TMPRSS5: variants seen among roughly 807,000 people sequenced by gnomAD.
The protein encoded by TMPRSS5 is transmembrane serine protease 5, also known as transmembrane protease serine 5.
Under a neutral mutation model 59.7 loss-of-function variants are expected in TMPRSS5, and 45 were observed. That is an observed-to-expected ratio of 0.75 (90% CI 0.59 to 0.97). TMPRSS5 has a LOEUF of 0.97. Ranked by LOEUF, TMPRSS5 falls within the 50% of genes least tolerant of loss-of-function variation. TMPRSS5 has a pLI of 0.00. For synonymous variants in TMPRSS5, 225 were observed against 232.0 expected (o/e 0.97, Z 0.27); for missense variants, 585 against 596.7 (o/e 0.98, Z 0.20).
intron 1 of TMPRSS5, among the ~76,000 whole-genome samples, chr11:113,703,558 G>A (rs1262810851): frequency 6.6e-6 from 1 of 152,176 alleles, no homozygotes; most frequent in East Asian, 1.9e-4. Context: ...AGATTTGGAA[G>A]GGACCAGGAT....
intron 9 of TMPRSS5, 91 bp from the exon 10 acceptor site, chr11:113,691,030 C>T: frequency 1.7e-6 from 2 of 1,179,762 alleles, no homozygotes; most frequent in Non-Finnish European, 2.4e-6. Flanking sequence ...GGCAAGTCCT[C>T]CTCAGCCCCC....
At chr11:113,690,033 T>C in intron 11 of TMPRSS5, 116 bp from the exon 12 acceptor site, 2 of 1,273,680 alleles carry the variant, frequency 1.6e-6, no homozygotes, top group South Asian at 3.0e-5. Context: ...TGCTTCTAGC[T>C]GAGATATCTG....
In TMPRSS5 at chr11:113,690,929, G is replaced by C; in HGVS notation, c.975C>G (p.Gly325=). 1 of 1,587,032 alleles carries C rather than the reference G, an allele frequency of 6.3e-7. No homozygotes were observed. The highest frequency in any genetic ancestry group is 8.6e-7 in the Non-Finnish European group (1 of 1,167,096). ...QTALNFSDTV[G]AVCLPAKEQH... Reference sequence around the variant, plus strand: ...GTTCCTTGGCCGGCAGGCACACAGCGCCCACAGTGTCTGTAGAGAGGCACA... The same window carrying C: ...GTTCCTTGGCCGGCAGGCACACAGCCCCCACAGTGTCTGTAGAGAGGCACA... Residue 325 remains glycine (G), a synonymous_variant, in exon 10 of 13, where the codon GGC becomes GGG. Transcript: ENST00000299882.
At chr11:113,695,477 A>G (rs1212386567) in intron 6 of TMPRSS5, 34 bp from the exon 7 acceptor site, 1 of 1,612,976 alleles carries the variant, frequency 6.2e-7, no homozygotes, top group Non-Finnish European at 8.5e-7. Context: ...GAAGCTGGGC[A>G]GGGGCCGCCC....
In TMPRSS5 at chr11:113,703,832, AT is replaced by A. The variant is rs1247863087; in HGVS notation, c.3+2389del. 3.3e-5 allele frequency among the ~76,000 whole-genome samples: 5 copies of A among 152,344 alleles called. No homozygotes were observed. The South Asian group carries it at 6.2e-4, about 19-fold the overall frequency. ...GTTTGCTTCCCCTTCCACCATGATC[AT>A]AAGTTTCCTGAGGCTTCCCCAGCCA... is the stretch of plus-strand genomic sequence containing the variant. On this transcript the variant is annotated intron_variant, in intron 1 of 12. Transcript: ENST00000299882.
chr11:113,699,220 T>C (rs578183072), intron 3 of TMPRSS5, among the ~76,000 whole-genome samples, 193 bp from the exon 4 acceptor site: 704 of 31,878 alleles, frequency 0.022, 8 homozygotes, highest in African/African-American at 0.12. Flanking sequence ...TGTCTCTCTC[T>C]CTCTCTCTCT....
At chr11:113,701,505 G>C (rs6589392) in intron 1 of TMPRSS5, among the ~76,000 whole-genome samples, 15,658 of 146,228 alleles carry the variant, frequency 0.11, 1,230 homozygotes, top group African/African-American at 0.22. Context: ...GGGGTGTTTT[G>C]TTCAACTTTA....
intron 8 of TMPRSS5, 92 bp from the exon 9 acceptor site, chr11:113,693,341 C>A: frequency 7.2e-7 from 1 of 1,382,274 alleles, no homozygotes; most frequent in South Asian, 1.5e-5. Flanking sequence ...GCCAGAGCAG[C>A]CATTGGTGGG....
chr11:113,687,986 C>CCT lies in TMPRSS5; in HGVS notation c.*272_*273dup. On this transcript the variant is annotated 3_prime_UTR_variant, in exon 13 of 13. Coordinates refer to ENST00000299882, the MANE Select transcript of TMPRSS5 (RefSeq NM_030770.4). ...TCCTACCTCTCTCCTCCCCCTCATC[C>CCT]CTCAGCAACCACAGCATGCCCAACC... The CCT allele has an allele frequency of 2.5e-6, 1 of 397,470 alleles. No individual in the cohort carries two copies. Among genetic ancestry groups the CCT allele is most frequent in the Non-Finnish European group, 4.4e-6 (1 of 229,696 alleles). The allele number at this position is 397,470 out of a possible 1,614,324, so 24.6% of individuals were successfully genotyped here.
chr11:113,690,179 C>CCCCCCCCCCCCCCCCCCCCACAACAA, intron 11 of TMPRSS5, 52 bp downstream of exon 11: 1 of 897,668 alleles, frequency 1.1e-6, no homozygotes, highest in Non-Finnish European at 1.7e-6. Context: ...GCCCCCTGCC[C>CCCCCCCCCCCCCCCCCCCCACAACAA]TCCCACCCCC....
chr11:113,690,184 A>AC, intron 11 of TMPRSS5, 47 bp downstream of exon 11: 2 of 210,044 alleles, frequency 9.5e-6, no homozygotes, highest in Non-Finnish European at 1.5e-5. Context: ...CTGCCCTCCC[A>AC]CCCCCACCTC....
At chr11:113,699,725 C>T in intron 2 of TMPRSS5, 32 bp from the exon 3 acceptor site, 1 of 1,545,592 alleles carries the variant, frequency 6.5e-7, no homozygotes. Flanking sequence ...TATCTGGGTC[C>T]CCTGCTCCTG....
chr11:113,690,175 T>TCCCCCCCCCCCCCCCCCC, intron 11 of TMPRSS5, 56 bp downstream of exon 11: 2 of 159,592 alleles, frequency 1.3e-5, no homozygotes, highest in Non-Finnish European at 2.1e-5. Flanking sequence ...GCAGGCCCCC[T>TCCCCCCCCCCCCCCCCCC]GCCCTCCCAC....
At chr11:113,692,499 G>A (rs1012761293) in intron 9 of TMPRSS5, among the ~76,000 whole-genome samples, 14 of 152,264 alleles carry the variant, frequency 9.2e-5, no homozygotes, top group Non-Finnish European at 1.3e-4. Context: ...CGTGTGTGTC[G>A]GGGAGAGTGG....
rs903240003 is a variant in TMPRSS5 at position 113,687,977 on chromosome 11, C to T, written c.*283G>A. ...ATCTCCAGCTCCTACCTCTCTCCTC[C>T]CCCTCATCCCTCAGCAACCACAGCA... On this transcript the variant is annotated 3_prime_UTR_variant, in exon 13 of 13. Coordinates refer to ENST00000299882, the MANE Select transcript of TMPRSS5 (RefSeq NM_030770.4). 5.2e-6 allele frequency: 2 copies of T among 382,034 alleles called. No individual in the cohort carries two copies. Among genetic ancestry groups the T allele is most frequent in the Admixed American group, 4.5e-5 (1 of 22,020 alleles). The allele number at this position is 382,034 out of a possible 1,614,324, so 23.7% of individuals were successfully genotyped here.
Position 113,689,798 on chromosome 11 carries a change from A to T in TMPRSS5, c.1326T>A (p.Ala442=), listed in dbSNP as rs1025815744. 2.5e-6 allele frequency: 4 copies of T among 1,609,542 alleles called. No individual in the cohort carries two copies. The African/African-American group carries it at 5.3e-5, about 22-fold the overall frequency. ...TGTCATGGATCCAGTCCAGAAACTCAGCTACCTTGGCGTAGACACCTGGGT... is the reference window on the plus strand; with the variant it reads ...TGTCATGGATCCAGTCCAGAAACTCTGCTACCTTGGCGTAGACACCTGGGT... The part of the protein sequence containing the change: ...PNHPGVYAKV[A]EFLDWIHDTA... Residue 442 remains alanine (A), a synonymous_variant, in exon 12 of 13, where the codon GCT becomes GCA. Coordinates refer to ENST00000299882, the MANE Select transcript of TMPRSS5 (RefSeq NM_030770.4).
chr11:113,688,716 C>A (rs1409384625), intron 12 of TMPRSS5, among the ~76,000 whole-genome samples: 1 of 152,066 alleles, frequency 6.6e-6, no homozygotes, highest in Admixed American at 6.5e-5. Flanking sequence ...GTGCGTGCCA[C>A]CATGCCCAGC....
chr11:113,697,211 A>G, intron 5 of TMPRSS5, 72 bp downstream of exon 5: 5 of 1,545,296 alleles, frequency 3.2e-6, no homozygotes, highest in Non-Finnish European at 2.6e-6. Context: ...ACGGGCAGGT[A>G]GAGGTCTCCA....
At chr11:113,699,245 C>G (rs1953031515) in intron 3 of TMPRSS5, among the ~76,000 whole-genome samples, 34 of 84,812 alleles carry the variant, frequency 4.0e-4, no homozygotes, top group Non-Finnish European at 5.6e-4. Context: ...CTCTCTCTCT[C>G]TCTCTCTCTC....
Sources: gnomAD v4.1 joint callset for allele counts (sites outside exome capture counted in the v4.1 genomes callset) on GRCh38, gnomAD v4.1.1 for gene constraint, MANE v1.5 for transcripts, NCBI Gene and HGNC (gene_info 2026-07-23, HGNC 2026-07-21) for gene names.